Variants in REDIC1 observed in about 807,000 individuals in gnomAD.
REDIC1 encodes HEI10 Interacting Protein 1.
the REDIC1 span, chr12:39,865,005 G>A: frequency 5.8e-5 from 50 of 858,744 alleles, no homozygotes; most frequent in Non-Finnish European, 7.7e-5. Flanking sequence ...AAAAAATACC[G>A]TGCTCTATCT....
At chr12:39,839,692 A>T in the REDIC1 span, among the ~76,000 whole-genome samples, 930 of 151,964 alleles carry the variant, frequency 6.1e-3, 10 homozygotes, top group African/African-American at 0.021. Context: ...GTTCTGGGCC[A>T]TCTACTTTCA....
chr12:39,873,957 T>C, the REDIC1 span, among the ~76,000 whole-genome samples: 6 of 152,344 alleles, frequency 3.9e-5, no homozygotes, highest in East Asian at 1.2e-3. Flanking sequence ...GTACCTAGTG[T>C]ATAAGCTATG....
the REDIC1 span, among the ~76,000 whole-genome samples, chr12:39,711,009 C>T: frequency 4.3e-3 from 643 of 151,136 alleles, 11 homozygotes; most frequent in East Asian, 0.038. Flanking sequence ...CAGTATACAC[C>T]GCACCATATT....
chr12:39,690,555 A>G, the REDIC1 span, among the ~76,000 whole-genome samples: 1 of 152,200 alleles, frequency 6.6e-6, no homozygotes, highest in Non-Finnish European at 1.5e-5. Flanking sequence ...AGCAATTAAC[A>G]TATTGAATAT....
the REDIC1 span, among the ~76,000 whole-genome samples, chr12:39,713,971 G>C: frequency 5.4e-5 from 8 of 147,090 alleles, no homozygotes; most frequent in East Asian, 8.1e-4. Context: ...ACAGGTATGT[G>C]CATATACGTA....
At chr12:39,721,356 T>G in the REDIC1 span, 5 of 925,596 alleles carry the variant, frequency 5.4e-6, 1 homozygote, top group South Asian at 7.7e-5. Flanking sequence ...AAAAAGTAGC[T>G]AAGCATAAGC....
At chr12:39,654,481 G>A in the REDIC1 span, among the ~76,000 whole-genome samples, 3 of 151,948 alleles carry the variant, frequency 2.0e-5, no homozygotes, top group South Asian at 2.1e-4. Flanking sequence ...CCAGCTACTC[G>A]GGAGCCTGAG....
At chr12:39,671,577 T>C in the REDIC1 span, among the ~76,000 whole-genome samples, 1 of 152,122 alleles carries the variant, frequency 6.6e-6, no homozygotes, top group Non-Finnish European at 1.5e-5. Flanking sequence ...CTTGGGCCCC[T>C]ATACAGTGTA....
At chr12:39,713,221 TACACATATACGTGTATATATGTGTAC>T in the REDIC1 span, among the ~76,000 whole-genome samples, 2 of 143,386 alleles carry the variant, frequency 1.4e-5, no homozygotes, top group South Asian at 2.3e-4. Context: ...ATGTTTATAT[TACACATATACGTGTATATATGTGTAC>T]ACACACATAC....
At chr12:39,828,408 A>G in the REDIC1 span, among the ~76,000 whole-genome samples, 3 of 152,112 alleles carry the variant, frequency 2.0e-5, no homozygotes, top group Non-Finnish European at 4.4e-5. Flanking sequence ...ATGGTATAAA[A>G]ATACAAATAA....
the REDIC1 span, among the ~76,000 whole-genome samples, chr12:39,815,121 T>C: frequency 6.6e-6 from 1 of 152,206 alleles, no homozygotes; most frequent in South Asian, 2.1e-4. Flanking sequence ...GGTCAGTTAC[T>C]GAGTCCAGAC....
the REDIC1 span, among the ~76,000 whole-genome samples, chr12:39,763,020 T>A: frequency 2.6e-5 from 4 of 152,064 alleles, no homozygotes; most frequent in Non-Finnish European, 5.9e-5. Context: ...TGCCTTTCTA[T>A]GAAAAATGCT....
At chr12:39,670,595 T>G in the REDIC1 span, among the ~76,000 whole-genome samples, 1 of 152,240 alleles carries the variant, frequency 6.6e-6, no homozygotes, top group Admixed American at 6.5e-5. Flanking sequence ...CTAAATTGCT[T>G]GCTAGTCTTG....
chr12:39,873,232 C>G, the REDIC1 span, among the ~76,000 whole-genome samples: 2 of 152,132 alleles, frequency 1.3e-5, no homozygotes. Flanking sequence ...AAGCTGCCAA[C>G]CATTTTAAGA....
chr12:39,845,188 A>G, the REDIC1 span, among the ~76,000 whole-genome samples: 1 of 151,962 alleles, frequency 6.6e-6, no homozygotes. Context: ...GATATAAAAT[A>G]TAGGTTAGGT....
the REDIC1 span, chr12:39,756,696 G>A: frequency 6.6e-6 from 1 of 151,540 alleles, no homozygotes; most frequent in Non-Finnish European, 1.5e-5. Flanking sequence ...AAAGCAAAAG[G>A]GTAAGTTGTC....
At chr12:39,858,891 G>A in the REDIC1 span, among the ~76,000 whole-genome samples, 7 of 152,020 alleles carry the variant, frequency 4.6e-5, no homozygotes, top group African/African-American at 1.7e-4. Context: ...CAGGTGTGAC[G>A]CACCGTGCCC....
At chr12:39,755,278 G>C in the REDIC1 span, 1 of 151,730 alleles carries the variant, frequency 6.6e-6, no homozygotes, top group Admixed American at 6.6e-5. Flanking sequence ...ATCGCTTGTG[G>C]GAATAAATAC....
the REDIC1 span, among the ~76,000 whole-genome samples, chr12:39,680,111 A>G: frequency 4.6e-5 from 7 of 152,220 alleles, no homozygotes; most frequent in Non-Finnish European, 7.4e-5. Context: ...AGCAAATGCA[A>G]CAAAAACAAA....
Sources: allele counts gnomAD v4.1 joint callset (sites outside exome capture counted in the v4.1 genomes callset), GRCh38; gene constraint gnomAD v4.1.1; transcripts MANE v1.5; gene names NCBI Gene and HGNC (gene_info 2026-07-23, HGNC 2026-07-21).